The following PEAK1 variants were observed in gnomAD, a reference collection of about 807,000 sequenced individuals.
The protein encoded by PEAK1 is inactive tyrosine-protein kinase PEAK1.
PEAK1 carries 54 observed loss-of-function variants against 124.7 expected under a neutral mutation model. The ratio of observed to expected loss-of-function variants is 0.43; its 90% CI spans 0.35 to 0.54. The LOEUF (loss-of-function observed/expected upper bound fraction) is 0.54, where lower values mean the gene tolerates loss of function less well. Among genes scored for constraint, PEAK1 ranks in the 20% least tolerant of loss-of-function variants. The probability of loss-of-function intolerance (pLI) is 0.01; values close to 1 mark genes in which losing one functional copy is unlikely to be tolerated. For missense variants in PEAK1, 2,046 were observed against 2,134.5 expected, an observed-to-expected ratio of 0.96 and a Z score of 0.82; for synonymous variants, 719 against 760.0, an observed-to-expected ratio of 0.95 and a Z score of 0.89.
intron 2 of PEAK1, chr15:77,349,524 C>A (rs770751223): frequency 1.1e-5 from 11 of 984,990 alleles, no homozygotes; most frequent in Middle Eastern, 5.2e-4. Context: ...TGTAGCAAGA[C>A]TTACTTTTAT....
intron 2 of PEAK1, among the ~76,000 whole-genome samples, chr15:77,360,932 A>T (rs1453819448): frequency 6.6e-6 from 1 of 152,156 alleles, no homozygotes; most frequent in Non-Finnish European, 1.5e-5. Flanking sequence ...AGAAGAAGAC[A>T]TAGGGGAAAA....
intron 5 of PEAK1, among the ~76,000 whole-genome samples, chr15:77,259,057 A>G (rs1266621652): frequency 6.6e-6 from 1 of 151,978 alleles, no homozygotes; most frequent in African/African-American, 2.4e-5. Flanking sequence ...GAACCAGTCT[A>G]TGGCTGATTT....
At position 77,114,043 on chromosome 15, in the gene PEAK1, A is replaced by T. The variant is rs2051138018; in HGVS notation, c.*113T>A. 8.8e-7 allele frequency: 1 copy of T among 1,140,888 alleles called. No homozygotes were observed. The highest frequency in any genetic ancestry group is 2.0e-5 in the Admixed American group (1 of 50,620). The allele number at this position is 1,140,888 out of a possible 1,614,324, so 70.7% of individuals were successfully genotyped here. A position where few individuals can be genotyped will look rare whatever the true frequency, so the allele number is the denominator to read the frequency against. On this transcript the variant is annotated 3_prime_UTR_variant, in exon 10 of 10. Coordinates refer to ENST00000682557, the MANE Select transcript of PEAK1 (RefSeq NM_001385026.1). ...TAGACCCACTTGTTCACGGACAGGG[A>T]TAGAGGTTTGCCTTTCTTCTTTCCT...
chr15:77,192,339 G>A (rs2057874903), intron 6 of PEAK1, among the ~76,000 whole-genome samples: 1 of 152,166 alleles, frequency 6.6e-6, no homozygotes, highest in Non-Finnish European at 1.5e-5. Context: ...GACCATGAAG[G>A]ATGGGAACTG....
chr15:77,340,322 A>C (rs1177944883), intron 2 of PEAK1, among the ~76,000 whole-genome samples: 1 of 152,258 alleles, frequency 6.6e-6, no homozygotes, highest in East Asian at 1.9e-4. Context: ...TAGAACATAC[A>C]GGAAGCTTGA....
intron 6 of PEAK1, among the ~76,000 whole-genome samples, chr15:77,243,854 G>C (rs546418959): frequency 3.3e-5 from 5 of 152,280 alleles, no homozygotes; most frequent in African/African-American, 1.2e-4. Flanking sequence ...TGTAATCCCT[G>C]CTACTCGGGA....
At chr15:77,208,006 A>G (rs925187389) in intron 6 of PEAK1, among the ~76,000 whole-genome samples, 4 of 152,192 alleles carry the variant, frequency 2.6e-5, no homozygotes, top group Admixed American at 1.3e-4. Context: ...AATAAGGGAC[A>G]AGGCTCTGAG....
intron 6 of PEAK1, among the ~76,000 whole-genome samples, chr15:77,209,909 T>C (rs372441744): frequency 2.0e-5 from 3 of 152,224 alleles, no homozygotes; most frequent in South Asian, 2.1e-4. Context: ...AATAAATGTA[T>C]TGTTTTAAAC....
Position 77,404,169 on chromosome 15 carries a change from T to C in PEAK1, c.-666+15837A>G, listed in dbSNP as rs867378093. ...GGTCCATAAATATAGAAATACCTAA[T>C]TTTATTGAGGCAAAGGTTTAACATC... On this transcript the variant is annotated intron_variant, in intron 1 of 9. Coordinates refer to ENST00000682557, the MANE Select transcript of PEAK1 (RefSeq NM_001385026.1). 161 of 985,398 alleles carry C rather than the reference T, an allele frequency of 1.6e-4. No homozygotes were observed. In the Middle Eastern group the frequency reaches 0.012, roughly 74 times the overall value. 61.0% of individuals were successfully genotyped at this position (985,398 alleles called of 1,614,324 possible). A position where few individuals can be genotyped will look rare whatever the true frequency, so the allele number is the denominator to read the frequency against.
intron 9 of PEAK1, among the ~76,000 whole-genome samples, chr15:77,131,659 C>A (rs1023730906): frequency 6.6e-6 from 1 of 152,148 alleles, no homozygotes; most frequent in African/African-American, 2.4e-5. Context: ...AATTACATAA[C>A]AAAAATATAG....
At chr15:77,170,077 C>T (rs1596452645) in intron 7 of PEAK1, among the ~76,000 whole-genome samples, 1 of 152,122 alleles carries the variant, frequency 6.6e-6, no homozygotes, top group South Asian at 2.1e-4. Context: ...GGGTTAGCTA[C>T]TAGGGTTTAA....
chr15:77,226,054 T>G (rs1221921077), intron 6 of PEAK1, among the ~76,000 whole-genome samples: 1 of 22,804 alleles, frequency 4.4e-5, no homozygotes, highest in Non-Finnish European at 1.6e-4. Context: ...GATATATATA[T>G]ATATATATAT....
chr15:77,331,254 C>A (rs567752369), intron 2 of PEAK1: 2 of 156,548 alleles, frequency 1.3e-5, no homozygotes, highest in East Asian at 3.9e-4. Flanking sequence ...CTTGGACTCC[C>A]CAATAGCTGG....
At chr15:77,279,284 A>G (rs1227066240) in intron 5 of PEAK1, among the ~76,000 whole-genome samples, 4 of 152,138 alleles carry the variant, frequency 2.6e-5, no homozygotes, top group Non-Finnish European at 5.9e-5. Context: ...CTTGGATCTC[A>G]GGAGGAGGGA....
intron 1 of PEAK1, among the ~76,000 whole-genome samples, chr15:77,393,237 T>A (rs2070625458): frequency 6.6e-6 from 1 of 152,158 alleles, no homozygotes; most frequent in African/African-American, 2.4e-5. Context: ...GGTGTGGTGC[T>A]GGGTTTGGAG....
intron 7 of PEAK1, among the ~76,000 whole-genome samples, chr15:77,160,403 TTCAGTGGCTCGCACCTGTAA>T (rs1231385953): frequency 5.6e-4 from 85 of 152,146 alleles, no homozygotes; most frequent in African/African-American, 2.0e-3. Context: ...CCTGGCCAGG[TTCAGTGGCTCGCACCTGTAA>T]TCCCAGCACT....
chr15:77,314,874 C>T (rs1167571934), intron 2 of PEAK1, among the ~76,000 whole-genome samples: 1 of 152,058 alleles, frequency 6.6e-6, no homozygotes, highest in Non-Finnish European at 1.5e-5. Context: ...TACCTGACGA[C>T]CCATGGGAAT....
At chr15:77,190,906 C>T (rs1211362339) in intron 6 of PEAK1, among the ~76,000 whole-genome samples, 2 of 152,174 alleles carry the variant, frequency 1.3e-5, no homozygotes, top group Non-Finnish European at 2.9e-5. Context: ...TATTAAATTG[C>T]TGTTAATTTG....
chr15:77,252,620 C>T (rs1210302398), intron 5 of PEAK1, 94 bp from the exon 6 acceptor site: 3 of 689,734 alleles, frequency 4.3e-6, no homozygotes, highest in Non-Finnish European at 5.4e-6. Flanking sequence ...ATCACCCTCA[C>T]TCAACAGTTA....
Sources: gnomAD v4.1 joint callset for allele counts (sites outside exome capture counted in the v4.1 genomes callset) on GRCh38, gnomAD v4.1.1 for gene constraint, MANE v1.5 for transcripts, NCBI Gene and HGNC (gene_info 2026-07-23, HGNC 2026-07-21) for gene names.